GAB1: variants seen among roughly 807,000 people sequenced by gnomAD.
GAB1 encodes GRB2 associated binding protein 1.
In GAB1, 19 loss-of-function variants were observed where a neutral mutation model predicts 66.5. The ratio of observed to expected loss-of-function variants is 0.29; its 90% CI spans 0.20 to 0.42. GAB1 has a LOEUF of 0.42. Ranked by LOEUF, GAB1 falls within the 10% of genes least tolerant of loss-of-function variation. The probability of loss-of-function intolerance (pLI) is 1.00; values close to 1 mark genes in which losing one functional copy is unlikely to be tolerated. For synonymous variants in GAB1, 294 were observed against 301.4 expected (o/e 0.98, Z 0.25); for missense variants, 732 against 858.5 (o/e 0.85, Z 1.84).
intron 1 of GAB1, among the ~76,000 whole-genome samples, chr4:143,396,892 G>A (rs1353568004): frequency 6.6e-6 from 1 of 152,184 alleles, no homozygotes; most frequent in African/African-American, 2.4e-5. Context: ...CCTGCTGGAA[G>A]CACAGGGAAT....
intron 6 of GAB1, among the ~76,000 whole-genome samples, chr4:143,448,887 G>A (rs1181520096): frequency 6.6e-6 from 1 of 151,310 alleles, no homozygotes; most frequent in Non-Finnish European, 1.5e-5. Flanking sequence ...ATGTTAGGGT[G>A]TCAATTTTGG....
intron 1 of GAB1, among the ~76,000 whole-genome samples, chr4:143,390,192 C>T (rs1731116360): frequency 6.6e-6 from 1 of 152,120 alleles, no homozygotes; most frequent in African/African-American, 2.4e-5. Context: ...TAAGCTGTTT[C>T]TCATTGGCCT....
chr4:143,388,425 G>T (rs1446620128), intron 1 of GAB1, among the ~76,000 whole-genome samples: 5 of 152,092 alleles, frequency 3.3e-5, no homozygotes, highest in African/African-American at 1.2e-4. Flanking sequence ...AGGTTTTTTT[G>T]TGTGTGCGAG....
At chr4:143,459,303 A>G (rs1330402110) in intron 6 of GAB1, 82 bp from the exon 7 acceptor site, 4 of 817,070 alleles carry the variant, frequency 4.9e-6, no homozygotes, top group South Asian at 2.9e-5. Context: ...TATCAAATAT[A>G]AATAGAGTTA....
intron 1 of GAB1, among the ~76,000 whole-genome samples, chr4:143,383,486 A>T (rs1458122977): frequency 6.6e-6 from 1 of 152,210 alleles, no homozygotes; most frequent in Non-Finnish European, 1.5e-5. Flanking sequence ...GATTTTGAAA[A>T]TTCTGAGAAG....
intron 8 of GAB1, among the ~76,000 whole-genome samples, chr4:143,465,136 A>G (rs1735715249): frequency 1.3e-5 from 2 of 152,226 alleles, no homozygotes; most frequent in African/African-American, 4.8e-5. Flanking sequence ...AGGCATGGAA[A>G]CAAGTCACTT....
chr4:143,383,107 A>C (rs900033146), intron 1 of GAB1, among the ~76,000 whole-genome samples: 1 of 152,206 alleles, frequency 6.6e-6, no homozygotes, highest in African/African-American at 2.4e-5. Flanking sequence ...CAGATGTTTG[A>C]GTGCTACACA....
At chr4:143,374,781 G>T (rs1403196351) in intron 1 of GAB1, among the ~76,000 whole-genome samples, 1 of 152,172 alleles carries the variant, frequency 6.6e-6, no homozygotes, top group Non-Finnish European at 1.5e-5. Context: ...AGGAAAAATT[G>T]TATGGCTCCT....
chr4:143,345,102 G>A (rs925854302), intron 1 of GAB1, among the ~76,000 whole-genome samples: 2 of 152,194 alleles, frequency 1.3e-5, no homozygotes, highest in African/African-American at 4.8e-5. Context: ...AAGGATATAA[G>A]TTATAAAGGA....
chr4:143,369,141 G>A (rs570771556), intron 1 of GAB1, among the ~76,000 whole-genome samples: 7 of 152,072 alleles, frequency 4.6e-5, no homozygotes, highest in Middle Eastern at 3.4e-3. Flanking sequence ...GGGTTTTGCC[G>A]TGTTGGCCAG....
At chr4:143,417,529 T>G (rs1184307071) in intron 2 of GAB1, 4 of 317,576 alleles carry the variant, frequency 1.3e-5, no homozygotes, top group Non-Finnish European at 2.5e-5. Context: ...TGCCTCAGCC[T>G]TCTGAGTAGC....
chr4:143,409,094 C>T (rs1021024862), intron 1 of GAB1, among the ~76,000 whole-genome samples: 2 of 152,126 alleles, frequency 1.3e-5, no homozygotes, highest in Non-Finnish European at 2.9e-5. Flanking sequence ...GGACTACTTG[C>T]GTGATGTTGC....
rs558003476 is a variant in GAB1, at chr4:143,458,371, C to T, written c.1586-1014C>T. ...CTTATGAGCCTCAATGCGTATGGTCCTTTAAAATGACCATTCATTTTATAG... is the reference window on the plus strand; with the variant it reads ...CTTATGAGCCTCAATGCGTATGGTCTTTTAAAATGACCATTCATTTTATAG... On this transcript the variant is annotated intron_variant, in intron 6 of 9. Transcript: ENST00000262994. 1.1e-4 allele frequency among the ~76,000 whole-genome samples: 16 copies of T among 152,078 alleles called. No individual in the cohort carries two copies. The South Asian group carries it at 2.7e-3, about 26-fold the overall frequency.
chr4:143,400,099 C>T (rs1396232961), intron 1 of GAB1, among the ~76,000 whole-genome samples: 1 of 152,062 alleles, frequency 6.6e-6, no homozygotes, highest in Non-Finnish European at 1.5e-5. Flanking sequence ...CACCACCATG[C>T]CTGGCTCATT....
intron 1 of GAB1, among the ~76,000 whole-genome samples, chr4:143,355,873 T>C (rs1391699467): frequency 3.3e-5 from 5 of 152,208 alleles, no homozygotes; most frequent in Non-Finnish European, 5.9e-5. Context: ...TTTTTAAGTT[T>C]ATGATACTGG....
chr4:143,419,234 T>C (rs557399841), intron 2 of GAB1, among the ~76,000 whole-genome samples: 14 of 152,214 alleles, frequency 9.2e-5, no homozygotes, highest in Non-Finnish European at 1.9e-4. Flanking sequence ...AGTGCATATA[T>C]ATATGTGTAA....
chr4:143,427,805 GACTAAAGGTGAATGGCT>G (rs1316051234), intron 2 of GAB1, among the ~76,000 whole-genome samples: 3 of 152,152 alleles, frequency 2.0e-5, no homozygotes, highest in Non-Finnish European at 2.9e-5. Flanking sequence ...AAGGGGTACA[GACTAAAGGTGAATGGCT>G]ACTCATCTAG....
intron 1 of GAB1, among the ~76,000 whole-genome samples, chr4:143,374,548 T>G (rs1341509572): frequency 2.0e-5 from 3 of 152,208 alleles, no homozygotes; most frequent in African/African-American, 7.2e-5. Flanking sequence ...ATACTGAGTG[T>G]CAAATTTCTT....
intron 1 of GAB1, chr4:143,350,222 T>C: frequency 1.7e-6 from 1 of 603,656 alleles, no homozygotes; most frequent in South Asian, 2.0e-5. Context: ...GCCTTCTGTC[T>C]GATGGATACG....
Sources: gnomAD v4.1 joint callset for allele counts (sites outside exome capture counted in the v4.1 genomes callset) on GRCh38, gnomAD v4.1.1 for gene constraint, MANE v1.5 for transcripts, NCBI Gene and HGNC (gene_info 2026-07-23, HGNC 2026-07-21) for gene names.